The following TIAM2 variants were observed in gnomAD, a reference collection of about 807,000 sequenced individuals.
TIAM2 encodes the protein rho guanine nucleotide exchange factor TIAM2.
TIAM2 carries 80 observed loss-of-function variants against 152.9 expected under a neutral mutation model. The observed-to-expected ratio is 0.52, with a 90% CI of 0.44 to 0.63. TIAM2 has a LOEUF of 0.63. Ranked by LOEUF, TIAM2 falls within the 30% of genes least tolerant of loss-of-function variation. TIAM2 has a pLI of 0.00. For synonymous variants in TIAM2, 804 were observed against 838.0 expected (o/e 0.96, Z 0.70); for missense variants, 1,965 against 2,120.1 (o/e 0.93, Z 1.44).
At chr6:155,043,051 C>T (rs539832092) in intron 1 of TIAM2, among the ~76,000 whole-genome samples, 10 of 152,196 alleles carry the variant, frequency 6.6e-5, no homozygotes, top group South Asian at 2.1e-4. Flanking sequence ...TTTATTATGA[C>T]GCTGGGGGGA....
intron 1 of TIAM2, among the ~76,000 whole-genome samples, chr6:155,020,552 C>G (rs1046144627): frequency 5.3e-5 from 8 of 152,164 alleles, no homozygotes; most frequent in Admixed American, 1.3e-4. Context: ...ACCTCCGCCC[C>G]CTGGGTTCAC....
At chr6:155,095,114 T>A (rs1414472019) in intron 2 of TIAM2, among the ~76,000 whole-genome samples, 1 of 152,164 alleles carries the variant, frequency 6.6e-6, no homozygotes, top group Non-Finnish European at 1.5e-5. Context: ...ACGTCTGTGA[T>A]CTATGGAACT....
rs545282182 is a variant in TIAM2, at chr6:155,248,342, G to A, written c.3832+163G>A. ...AATCTTAGGTTTCACGTGAATATGT[G>A]AAACTAGCTAGGCGTCTGGGCACTC... On this transcript the variant is annotated intron_variant, in intron 20 of 26. Transcript: ENST00000682666. Among the ~76,000 whole-genome samples the A allele has an allele frequency of 5.3e-5, 8 of 152,368 alleles. No homozygotes were observed. In the East Asian group the frequency reaches 1.5e-3, roughly 29 times the overall value.
chr6:155,144,542 C>T (rs1779781193), intron 5 of TIAM2, 64 bp from the exon 6 acceptor site: 2 of 1,406,154 alleles, frequency 1.4e-6, no homozygotes, highest in South Asian at 3.6e-5. Flanking sequence ...GTCACTTACC[C>T]TCCCAGTCCT....
chr6:155,250,291 CTTTT>C (rs11320509), intron 21 of TIAM2, among the ~76,000 whole-genome samples: 1 of 133,696 alleles, frequency 7.5e-6, no homozygotes. Context: ...TTGATTTTGC[CTTTT>C]TTTTTTTTTT....
At chr6:155,182,692 CAT>C (rs1314178189) in intron 13 of TIAM2, among the ~76,000 whole-genome samples, 1 of 151,790 alleles carries the variant, frequency 6.6e-6, no homozygotes, top group African/African-American at 2.4e-5. Flanking sequence ...TAAGTGTATA[CAT>C]ATATATAGAC....
At chr6:155,029,761 G>GTATATAACTAT (rs1776787650) in intron 1 of TIAM2, among the ~76,000 whole-genome samples, 1 of 107,112 alleles carries the variant, frequency 9.3e-6, no homozygotes, top group African/African-American at 3.5e-5. Context: ...TATATATGTA[G>GTATATAACTAT]AAAAAAACCT....
chr6:155,136,427 G>A (rs1015168857), intron 4 of TIAM2, among the ~76,000 whole-genome samples: 2 of 151,506 alleles, frequency 1.3e-5, no homozygotes, highest in South Asian at 2.1e-4. Context: ...GGTGCTCACC[G>A]CCAGGCCTGG....
intron 14 of TIAM2, among the ~76,000 whole-genome samples, chr6:155,192,361 C>T (rs1781227018): frequency 6.6e-6 from 1 of 152,144 alleles, no homozygotes; most frequent in South Asian, 2.1e-4. Context: ...GGTCTGGAGG[C>T]AGACGTGTGT....
chr6:155,056,325 C>G (rs191962581), intron 1 of TIAM2, among the ~76,000 whole-genome samples: 2 of 151,934 alleles, frequency 1.3e-5, no homozygotes, highest in East Asian at 3.9e-4. Context: ...GCGCCTACCA[C>G]CATGCCCGGC....
intron 2 of TIAM2, among the ~76,000 whole-genome samples, chr6:155,105,568 C>A (rs947272149): frequency 5.3e-5 from 8 of 151,824 alleles, no homozygotes; most frequent in Non-Finnish European, 1.0e-4. Flanking sequence ...GTAGCTTGGA[C>A]CACAGGTGTG....
intron 1 of TIAM2, among the ~76,000 whole-genome samples, chr6:155,040,749 C>T (rs1021446726): frequency 3.9e-5 from 6 of 152,088 alleles, no homozygotes; most frequent in Non-Finnish European, 8.8e-5. Flanking sequence ...AAACTCCTGC[C>T]CTCTGGTGAT....
intron 16 of TIAM2, among the ~76,000 whole-genome samples, chr6:155,242,451 G>A (rs1015294169): frequency 2.2e-4 from 33 of 152,168 alleles, no homozygotes; most frequent in African/African-American, 7.7e-4. Flanking sequence ...TTCTCTGAGC[G>A]GTCTGGCGTG....
intron 1 of TIAM2, among the ~76,000 whole-genome samples, chr6:155,048,981 A>G (rs535675549): frequency 6.6e-6 from 1 of 152,014 alleles, no homozygotes; most frequent in South Asian, 2.1e-4. Context: ...TTGTATTTTT[A>G]GTAGAGACGG....
rs116719680 is a variant in TIAM2 at position 155,107,480 on chromosome 6, C to G, written c.-118+17101C>G. On this transcript the variant is annotated intron_variant, in intron 2 of 26. Coordinates refer to ENST00000682666, the MANE Select transcript of TIAM2 (RefSeq NM_012454.4). ...TCCTGATGGTCTCAAGAAAGTACCA[C>G]TTCTCAGTGTGATCATGTTAAAGCA... Among the ~76,000 whole-genome samples, 542 of 152,314 alleles carry G rather than the reference C, an allele frequency of 3.6e-3. 3 individuals are homozygous for G. Among genetic ancestry groups the G allele is most frequent in the African/African-American group, 0.013 (520 of 41,570 alleles).
chr6:155,071,895 CAAAAAA>C (rs374621162), intron 1 of TIAM2, among the ~76,000 whole-genome samples: 1 of 108,898 alleles, frequency 9.2e-6, no homozygotes, highest in African/African-American at 3.0e-5. Flanking sequence ...AACTCTGTGT[CAAAAAA>C]AAAAAAAAAA....
At chr6:155,135,108 T>C (rs962896915) in intron 4 of TIAM2, among the ~76,000 whole-genome samples, 2 of 152,232 alleles carry the variant, frequency 1.3e-5, no homozygotes, top group Non-Finnish European at 2.9e-5. Context: ...ATTTGCTCTG[T>C]TATGCATAAG....
chr6:155,241,386 G>A (rs998630828), intron 16 of TIAM2, among the ~76,000 whole-genome samples: 1 of 152,174 alleles, frequency 6.6e-6, no homozygotes, highest in African/African-American at 2.4e-5. Context: ...GTCAGTTACT[G>A]AAGCAGCGCG....
At chr6:155,118,952 TAA>T (rs1289148333) in intron 2 of TIAM2, among the ~76,000 whole-genome samples, 2 of 144,570 alleles carry the variant, frequency 1.4e-5, no homozygotes, top group Admixed American at 6.9e-5. Context: ...GGGCCATCTT[TAA>T]AAAAAAAAAA....
Sources: allele counts gnomAD v4.1 joint callset (sites outside exome capture counted in the v4.1 genomes callset), GRCh38; gene constraint gnomAD v4.1.1; transcripts MANE v1.5; gene names NCBI Gene and HGNC (gene_info 2026-07-23, HGNC 2026-07-21).